MTFR1: variants seen among roughly 807,000 people sequenced by gnomAD.
MTFR1 encodes the protein mitochondrial fission regulator 1.
In MTFR1, 28 loss-of-function variants were observed where a neutral mutation model predicts 38.8. The observed-to-expected ratio is 0.72, with a 90% CI of 0.53 to 0.99. The LOEUF (loss-of-function observed/expected upper bound fraction) is 0.99. Among genes scored for constraint, MTFR1 ranks in the 50% least tolerant of loss-of-function variants. The pLI, the probability that MTFR1 is intolerant of heterozygous loss-of-function variation, is 0.00. For synonymous variants in MTFR1, 145 were observed against 137.0 expected, an observed-to-expected ratio of 1.06 and a Z score of -0.41; for missense variants, 358 against 395.5, an observed-to-expected ratio of 0.91 and a Z score of 0.81.
chr8:65,751,653 C>G (rs1466629117), intron 3 of MTFR1, among the ~76,000 whole-genome samples: 1 of 152,140 alleles, frequency 6.6e-6, no homozygotes, highest in Non-Finnish European at 1.5e-5. Context: ...CCACCACACC[C>G]AGCTAATTTT....
At chr8:65,679,451 CA>C (rs1804812717) in intron 2 of MTFR1, 1 of 152,026 alleles carries the variant, frequency 6.6e-6, no homozygotes, top group Non-Finnish European at 1.5e-5. Flanking sequence ...ACTAAAAATA[CA>C]AAAAAATTAG....
upstream of MTFR1, among the ~76,000 whole-genome samples, chr8:65,644,522 G>A (rs567566422): frequency 3.9e-5 from 6 of 152,360 alleles, 1 homozygote; most frequent in African/African-American, 1.4e-4. Flanking sequence ...AAGGCACAAA[G>A]CAAGGTCCGC....
intron 6 of MTFR1, 109 bp from the exon 7 acceptor site, chr8:65,707,734 G>A (rs1805826254): frequency 1.5e-6 from 2 of 1,341,754 alleles, no homozygotes; most frequent in Non-Finnish European, 1.0e-6. Context: ...TCTCTATGGA[G>A]TAGCTATGAT....
At chr8:65,664,701 A>G (rs1360488256) in intron 1 of MTFR1, among the ~76,000 whole-genome samples, 1 of 144,128 alleles carries the variant, frequency 6.9e-6, no homozygotes, top group Non-Finnish European at 1.5e-5. Context: ...CGTTCAAGCT[A>G]TTCTCCTGCC....
intron 2 of MTFR1, among the ~76,000 whole-genome samples, chr8:65,672,955 T>G (rs1261895994): frequency 6.6e-6 from 1 of 152,216 alleles, no homozygotes; most frequent in Non-Finnish European, 1.5e-5. Flanking sequence ...CCTTCTTGCT[T>G]TCTTATCATT....
rs371620919 is a variant in MTFR1 at position 65,750,474 on chromosome 8, C to CTGTGTGTGTG, written c.*49-20453_*49-20444dup. Among the ~76,000 whole-genome samples the CTGTGTGTGTG allele has an allele frequency of 9.0e-3, 1,278 of 142,638 alleles. 16 individuals carry two copies. Among genetic ancestry groups the CTGTGTGTGTG allele is most frequent in the African/African-American group, 0.022 (852 of 38,140 alleles). 93.6% of individuals were successfully genotyped at this position (142,638 alleles called of 152,430 possible). A position where few individuals can be genotyped will look rare whatever the true frequency, so the allele number is the denominator to read the frequency against. ...TATGTATATATGTAAATTAGAATCA[C>CTGTGTGTGTG]TGTGTGTGTGTGTGTGTGTGTGTGT... On this transcript the variant is annotated intron_variant, in intron 3 of 3. Transcript: ENST00000521247.
In MTFR1 at chr8:65,724,978, A is replaced by C. The variant is rs1043975046; in HGVS notation, c.*48+5497A>C. On this transcript the variant is annotated intron_variant, in intron 3 of 3. Coordinates refer to the MTFR1 transcript ENST00000521247. ...AAGACTTTCAATTAACTATTTATTG[A>C]TTTTTTTTCTTAACCATAATAATCG... 1.4e-5 allele frequency: 16 copies of C among 1,168,946 alleles called. No individual in the cohort carries two copies. In the South Asian group the frequency reaches 2.4e-4, roughly 18 times the overall value. 72.4% of individuals were successfully genotyped at this position (1,168,946 alleles called of 1,614,324 possible).
rs529714794 is a variant in MTFR1, at chr8:65,747,175, G to C, written c.*49-23772G>C. Among the ~76,000 whole-genome samples, 7 of 152,252 alleles carry C rather than the reference G, an allele frequency of 4.6e-5. No homozygotes were observed. In the East Asian group the frequency reaches 1.3e-3, roughly 29 times the overall value. On this transcript the variant is annotated intron_variant, in intron 3 of 3. Transcript: ENST00000521247. ...TGACTGAAAGTCACGAGACCTTTGT[G>C]AAAAGATGTTATTAATACACACACA...
chr8:65,733,299 A>C (rs761387030), intron 3 of MTFR1, among the ~76,000 whole-genome samples: 1 of 152,162 alleles, frequency 6.6e-6, no homozygotes, highest in Non-Finnish European at 1.5e-5. Context: ...GGGAGATGGG[A>C]GTGCAGAAGC....
At chr8:65,726,839 C>G (rs1585829829) in intron 3 of MTFR1, 1 of 1,106,574 alleles carries the variant, frequency 9.0e-7, no homozygotes, top group Admixed American at 1.8e-5. Flanking sequence ...ACTTCTATAA[C>G]CAGTAACAAA....
chr8:65,732,758 T>C (rs1462651639), intron 3 of MTFR1, among the ~76,000 whole-genome samples: 1 of 152,222 alleles, frequency 6.6e-6, no homozygotes, highest in Non-Finnish European at 1.5e-5. Context: ...AGTGATCCTC[T>C]TGCCCTGGCC....
chr8:65,656,199 A>AAAAACAAAAC (rs141010705), intron 1 of MTFR1, among the ~76,000 whole-genome samples: 1 of 150,988 alleles, frequency 6.6e-6, no homozygotes, highest in East Asian at 1.9e-4. Context: ...TCTGTCTCAA[A>AAAAACAAAAC]AAAACAAAAC....
chr8:65,672,835 T>C (rs943378102), intron 2 of MTFR1, among the ~76,000 whole-genome samples: 3 of 152,244 alleles, frequency 2.0e-5, no homozygotes, highest in African/African-American at 7.2e-5. Context: ...CTTGCTTCTC[T>C]CAGCCTTCAC....
chr8:65,747,486 T>C (rs1000367898), intron 3 of MTFR1, among the ~76,000 whole-genome samples: 6 of 152,210 alleles, frequency 3.9e-5, no homozygotes, highest in African/African-American at 1.4e-4. Context: ...CTGTAATGGC[T>C]AATTATAAAA....
chr8:65,775,012 A>G (rs1436210735), downstream of MTFR1, among the ~76,000 whole-genome samples: 2 of 152,226 alleles, frequency 1.3e-5, no homozygotes, highest in Non-Finnish European at 2.9e-5. Flanking sequence ...TATGTTTTCT[A>G]CATTCAGTTC....
chr8:65,710,118 C>CTATT lies in MTFR1; in HGVS notation c.*1076_*1079dup, dbSNP rs1805901471. On this transcript the variant is annotated 3_prime_UTR_variant, in exon 8 of 8. Transcript: ENST00000262146. ...TGCTTTATAAATCTTCATGGTTTTT[C>CTATT]TATTTCTGATACACTCAGCTATAGT... 6.6e-6 allele frequency: 1 copy of CTATT among 152,084 alleles called. No homozygotes were observed. The highest frequency in any genetic ancestry group is 2.4e-5 in the African/African-American group (1 of 41,400). 9.4% of individuals were successfully genotyped at this position (152,084 alleles called of 1,614,324 possible). A position where few individuals can be genotyped will look rare whatever the true frequency, so the allele number is the denominator to read the frequency against.
chr8:65,748,845 T>C (rs1284716168), intron 3 of MTFR1, among the ~76,000 whole-genome samples: 1 of 152,206 alleles, frequency 6.6e-6, no homozygotes, highest in Non-Finnish European at 1.5e-5. Flanking sequence ...AGGTGTTAAA[T>C]AGTAGCCATG....
At position 65,654,660 on chromosome 8, in the gene MTFR1, C is replaced by G. The variant is rs1533286; in HGVS notation, c.-81+9876C>G. ...TGGCGCACTGATAGCTCATTGTAAC[C>G]TCAAATTCCTGGGCTCAAGCGATCC... On this transcript the variant is annotated intron_variant, in intron 1 of 7. Transcript: ENST00000262146. Among the ~76,000 whole-genome samples, 217 of 152,260 alleles carry G rather than the reference C, an allele frequency of 1.4e-3. 3 individuals are homozygous for G. Among genetic ancestry groups the G allele is most frequent in the Admixed American group, 0.012 (183 of 15,282 alleles).
chr8:65,689,594 CCTT>C, intron 3 of MTFR1: 2 of 1,275,526 alleles, frequency 1.6e-6, no homozygotes, highest in Non-Finnish European at 2.0e-6. Context: ...TTGCTGGGAA[CCTT>C]CAGTAAGTTG....
Sources: gnomAD v4.1 joint callset for allele counts (sites outside exome capture counted in the v4.1 genomes callset) on GRCh38, gnomAD v4.1.1 for gene constraint, MANE v1.5 for transcripts, NCBI Gene and HGNC (gene_info 2026-07-23, HGNC 2026-07-21) for gene names.